Variants in ARID1B observed in about 807,000 individuals in gnomAD.
ARID1B encodes the protein AT-rich interaction domain 1B.
Under a neutral mutation model 212.3 loss-of-function variants are expected in ARID1B, and 30 were observed. That is an observed-to-expected ratio of 0.14 (90% CI 0.11 to 0.19). ARID1B has a LOEUF of 0.19. Among genes scored for constraint, ARID1B ranks in the 10% least tolerant of loss-of-function variants. The pLI, the probability that ARID1B is intolerant of heterozygous loss-of-function variation, is 1.00. For synonymous variants in ARID1B, 1,402 were observed against 1,301.7 expected, an observed-to-expected ratio of 1.08 and a Z score of -1.66; for missense variants, 2,891 against 3,204.0, an observed-to-expected ratio of 0.90 and a Z score of 2.36.
rs556011035 is a variant in ARID1B, at chr6:157,134,444, A to G, written c.2761+1237A>G. 2.0e-5 allele frequency among the ~76,000 whole-genome samples: 3 copies of G among 152,380 alleles called. 1 individual carries two copies. The highest frequency in any genetic ancestry group is 7.2e-5 in the African/African-American group (3 of 41,598). On this transcript the variant is annotated intron_variant, in intron 7 of 19. Coordinates refer to ENST00000636930, the MANE Select transcript of ARID1B (RefSeq NM_001374828.1). ...GGAAGACTATGGGGATACCCAAGAA[A>G]GCAAACGTCTGTATAGAGCCTCTCC...
intron 16 of ARID1B, among the ~76,000 whole-genome samples, chr6:157,197,086 C>T (rs1448995240): frequency 1.3e-5 from 2 of 152,208 alleles, no homozygotes; most frequent in Non-Finnish European, 2.9e-5. Context: ...AAGAAAGTCC[C>T]TTGCCTGGGC....
intron 12 of ARID1B, among the ~76,000 whole-genome samples, chr6:157,183,526 A>T (rs555218805): frequency 6.6e-6 from 1 of 152,332 alleles, no homozygotes; most frequent in South Asian, 2.1e-4. Flanking sequence ...CCTGTTCCCA[A>T]GTGGGAATCA....
intron 13 of ARID1B, among the ~76,000 whole-genome samples, chr6:157,187,689 G>A (rs1386546476): frequency 1.3e-5 from 2 of 151,416 alleles, no homozygotes; most frequent in African/African-American, 4.9e-5. Context: ...ATGTCCTAGA[G>A]AGCCTGCCAG....
At chr6:157,173,864 C>T in intron 9 of ARID1B, 144 bp from the exon 10 acceptor site, 1 of 618,040 alleles carries the variant, frequency 1.6e-6, no homozygotes, top group Non-Finnish European at 2.7e-6. Flanking sequence ...AATTAATATG[C>T]TCCCCATTAC....
chr6:156,785,748 T>A (rs1313998164), intron 1 of ARID1B, among the ~76,000 whole-genome samples: 4 of 152,234 alleles, frequency 2.6e-5, no homozygotes, highest in Admixed American at 2.0e-4. Context: ...AGTAAAATAA[T>A]CTTGTTTTTG....
rs2128375412 is a variant in ARID1B, at chr6:157,201,234, C to A, written c.5009C>A (p.Pro1670Gln). 6.2e-7 allele frequency: 1 copy of A among 1,613,976 alleles called. No homozygotes were observed. The highest frequency in any genetic ancestry group is 1.7e-5 in the Admixed American group (1 of 60,022). ...TCCTACCAGACGCCACCGTCACTGC[C>A]AAATCACATCTCCAGGGCGCCCAGC... ...QPSYQTPPSL[P>Q]NHISRAPSPA... The change falls in exon 18 of 20, where the codon CCA becomes CAA. Residue 1670 changes from proline to glutamine, a missense_variant. Physicochemically the swap from Pro to Gln is moderately conservative, Grantham distance 76. Coordinates refer to ENST00000636930, the MANE Select transcript of ARID1B (RefSeq NM_001374828.1). This position sits in a 1 kb window ranked among gnomAD's most constrained non-coding sequence, Gnocchi z 5.2.
intron 4 of ARID1B, chr6:156,943,958 G>C (rs1424474721): frequency 6.6e-6 from 1 of 152,044 alleles, no homozygotes; most frequent in East Asian, 1.9e-4. Context: ...GTTTTGGCTG[G>C]GAGACCTATT....
intron 4 of ARID1B, among the ~76,000 whole-genome samples, chr6:157,048,955 C>T (rs1477925983): frequency 6.6e-6 from 1 of 152,060 alleles, no homozygotes. Context: ...GGGCAGATCA[C>T]TTGAGGTCAG....
intron 12 of ARID1B, among the ~76,000 whole-genome samples, chr6:157,183,212 T>A (rs1053330410): frequency 1.3e-5 from 2 of 152,108 alleles, no homozygotes; most frequent in African/African-American, 4.8e-5. Flanking sequence ...GCGCCCAGCT[T>A]GCCATTTCTG....
chr6:157,045,449 T>G (rs1267431670), intron 4 of ARID1B, among the ~76,000 whole-genome samples: 1 of 152,190 alleles, frequency 6.6e-6, no homozygotes, highest in Non-Finnish European at 1.5e-5. Flanking sequence ...TCTCTACTCT[T>G]TGCGTCTTCT....
chr6:156,949,301 G>A (rs541129045), intron 4 of ARID1B, among the ~76,000 whole-genome samples: 26 of 151,964 alleles, frequency 1.7e-4, no homozygotes, highest in Non-Finnish European at 2.9e-4. Context: ...AAATATGCAC[G>A]TTGTTGTTTG....
At chr6:156,849,506 T>C (rs779026080) in intron 2 of ARID1B, among the ~76,000 whole-genome samples, 3 of 152,216 alleles carry the variant, frequency 2.0e-5, no homozygotes, top group Non-Finnish European at 2.9e-5. Context: ...AATAGCAGAA[T>C]GTTAATTAAT....
At chr6:156,964,437 A>C (rs1025192377) in intron 4 of ARID1B, among the ~76,000 whole-genome samples, 1 of 152,246 alleles carries the variant, frequency 6.6e-6, no homozygotes, top group Non-Finnish European at 1.5e-5. Flanking sequence ...TCTTCTGGAA[A>C]AAAAGTCCCG....
intron 3 of ARID1B, among the ~76,000 whole-genome samples, chr6:156,920,523 A>G (rs1427876499): frequency 6.6e-6 from 1 of 152,200 alleles, no homozygotes; most frequent in Non-Finnish European, 1.5e-5. Flanking sequence ...TTTGATTTTT[A>G]AAATTTTTAA....
intron 4 of ARID1B, among the ~76,000 whole-genome samples, chr6:156,957,920 G>A (rs1794088029): frequency 6.6e-6 from 1 of 152,090 alleles, no homozygotes; most frequent in African/African-American, 2.4e-5. Flanking sequence ...ATTCTGCTAG[G>A]GAATCTGTTA....
chr6:156,977,017 A>G (rs930774125), intron 4 of ARID1B: 12 of 495,508 alleles, frequency 2.4e-5, no homozygotes, highest in Admixed American at 1.5e-4. Flanking sequence ...ATCATGGACC[A>G]TAAGGAAGCA....
At chr6:157,182,753 C>T (rs1011636658) in intron 12 of ARID1B, among the ~76,000 whole-genome samples, 2 of 152,178 alleles carry the variant, frequency 1.3e-5, no homozygotes, top group South Asian at 2.1e-4. Flanking sequence ...TGTGATACCA[C>T]GTGTGAGTGA....
At chr6:157,037,438 A>G (rs1451695877) in intron 4 of ARID1B, among the ~76,000 whole-genome samples, 1 of 152,108 alleles carries the variant, frequency 6.6e-6, no homozygotes, top group Non-Finnish European at 1.5e-5. Context: ...GGTGGAGTGG[A>G]GAATGGGAAG....
intron 2 of ARID1B, among the ~76,000 whole-genome samples, chr6:156,899,794 A>G (rs550753773): frequency 1.3e-5 from 2 of 152,304 alleles, no homozygotes; most frequent in South Asian, 4.2e-4. Flanking sequence ...TGTAACCAGA[A>G]AGTCAACATA....
Sources: gnomAD v4.1 joint callset for allele counts (sites outside exome capture counted in the v4.1 genomes callset) on GRCh38, gnomAD v4.1.1 for gene constraint, Gnocchi (gnomAD v3.1) non-coding constraint, MANE v1.5 for transcripts, NCBI Gene and HGNC (gene_info 2026-07-23, HGNC 2026-07-21) for gene names.